Variants in FUS observed in about 807,000 individuals in gnomAD.
The protein encoded by FUS is RNA-binding protein FUS.
Under a neutral mutation model 82.7 loss-of-function variants are expected in FUS, and 5 were observed. The ratio of observed to expected loss-of-function variants is 0.06; its 90% CI spans 0.03 to 0.13. The LOEUF is 0.13. Ranked by LOEUF, FUS falls within the 10% of genes least tolerant of loss-of-function variation. FUS has a pLI of 1.00. For synonymous variants in FUS, 281 were observed against 247.4 expected, an observed-to-expected ratio of 1.14 and a Z score of -1.27; for missense variants, 512 against 707.8, an observed-to-expected ratio of 0.72 and a Z score of 3.14.
chr16:31,184,877 T>C (rs2079239656), intron 5 of FUS, 62 bp from the exon 6 acceptor site: 3 of 1,565,698 alleles, frequency 1.9e-6, no homozygotes, highest in Non-Finnish European at 2.6e-6. Flanking sequence ...TTTTCAAACC[T>C]TTTAGTGCTA....
intron 9 of FUS, 119 bp downstream of exon 9, chr16:31,189,345 GC>G: frequency 1.1e-6 from 1 of 878,452 alleles, no homozygotes; most frequent in Non-Finnish European, 1.9e-6. Context: ...AGTGGTTGTT[GC>G]CAGCTTAATT....
At chr16:31,186,038 G>A (rs962162026) in intron 6 of FUS, 1 of 238,026 alleles carries the variant, frequency 4.2e-6, no homozygotes, top group African/African-American at 2.2e-5. Context: ...TAAGTATGCA[G>A]AGGTGGGTGG....
At position 31,190,707 on chromosome 16, in the gene FUS, A is replaced by G. The variant is rs200554137; in HGVS notation, c.1293-35A>G. 1,677 of 1,583,734 alleles carry G rather than the reference A, an allele frequency of 1.1e-3. 4 individuals are homozygous for G. The highest frequency in any genetic ancestry group is 1.5e-3 in the South Asian group (136 of 90,452). On this transcript the variant is annotated intron_variant, in intron 12 of 14. Coordinates refer to ENST00000254108, the MANE Select transcript of FUS (RefSeq NM_004960.4). ...TAGTTCTAGGTCTTGCCTATTCCCC[A>G]TCGCTCCAGACTGATTGTCTTCCTT...
In FUS at chr16:31,180,220, C is replaced by T. The variant is rs549671130; in HGVS notation, c.6C>T (p.Ala2=). 74 of 1,611,112 alleles carry T rather than the reference C, an allele frequency of 4.6e-5. No homozygotes were observed. The highest frequency in any genetic ancestry group is 6.0e-5 in the Non-Finnish European group (71 of 1,178,754). M[A]SNDYTQQATQ... ...CTGTGCGCGCGTGCGCGGACATGGC[C>T]TCAAACGGTAGGTAAGGGCGCGAGG... Residue 2 remains alanine, a synonymous_variant, in exon 1 of 15, where the codon GCC becomes GCT. Transcript: ENST00000254108.
chr16:31,194,130 C>T (rs749834692), downstream of FUS: 1 of 532,800 alleles, frequency 1.9e-6, no homozygotes, highest in Non-Finnish European at 3.6e-6. Flanking sequence ...TTTTCCCCAT[C>T]TTGTGCCGGG....
At position 31,182,609 on chromosome 16, in the gene FUS, G is replaced by C; in HGVS notation, c.135G>C (p.Thr45=). The change falls in exon 3 of 15, where the codon ACG becomes ACC. Residue 45 remains threonine (T), a synonymous_variant. Transcript: ENST00000254108. The part of the protein sequence containing the change: ...QQSYSGYSQS[T]DTSGYGQSSY... ...GTTACAGTGGTTATAGCCAGTCCAC[G>C]GACACTTCAGGCTATGGCCAGAGCA... 1 of 1,614,198 alleles carries C rather than the reference G, an allele frequency of 6.2e-7. No individual in the cohort carries two copies.
At chr16:31,182,858 A>T (rs2144103067) in intron 3 of FUS, 194 bp downstream of exon 3, 2 of 643,662 alleles carry the variant, frequency 3.1e-6, no homozygotes, top group African/African-American at 1.8e-5. Flanking sequence ...CTGGGATTAC[A>T]GGTACCTGCT....
At chr16:31,185,211 G>C (rs753063874) in intron 6 of FUS, 32 bp downstream of exon 6, 1 of 1,584,016 alleles carries the variant, frequency 6.3e-7, no homozygotes, top group Non-Finnish European at 8.6e-7. Flanking sequence ...GAGTATCTTT[G>C]GTGGGGAGTG....
At chr16:31,181,558 A>ATTTT (rs2079178254) in intron 1 of FUS, among the ~76,000 whole-genome samples, 1 of 152,096 alleles carries the variant, frequency 6.6e-6, no homozygotes, top group African/African-American at 2.4e-5. Flanking sequence ...TTGCACTAAA[A>ATTTT]AGCCCACTTC....
chr16:31,190,908 G>A, intron 13 of FUS, 55 bp from the exon 14 acceptor site: 1 of 1,612,682 alleles, frequency 6.2e-7, no homozygotes, highest in East Asian at 2.2e-5. Context: ...CAGCGGGGAG[G>A]CTCGGGGAAC....
chr16:31,188,178 G>C lies in FUS; in HGVS notation c.800-147G>C, dbSNP rs910541691. The C allele has an allele frequency of 3.6e-6, 3 of 822,282 alleles. No individual in the cohort carries two copies. In the Admixed American group the frequency reaches 6.9e-5, roughly 19 times the overall value. The allele number at this position is 822,282 out of a possible 1,614,324, so 50.9% of individuals were successfully genotyped here. A position where few individuals can be genotyped will look rare whatever the true frequency, so the allele number is the denominator to read the frequency against. ...GGCAGGCGACCCAGGAAAGGGTTTG[G>C]AGTGAGGCTGTGAGCACTTACTTGA... On this transcript the variant is annotated intron_variant, in intron 7 of 14. Coordinates refer to ENST00000254108, the MANE Select transcript of FUS (RefSeq NM_004960.4).
chr16:31,190,840 T>C lies in FUS; in HGVS notation c.1391T>C (p.Met464Thr). Residue 464 changes from methionine to threonine, a missense_variant and splice_region_variant, in exon 13 of 15, where the codon ATG becomes ACG. Met to Thr is a moderately conservative substitution (Grantham distance 81, BLOSUM62 -1). Around this residue, in one of 6 missense-constraint regions of FUS, gnomAD observed 96 missense variants for 120.7 expected, o/e 0.80. Transcript: ENST00000254108. ...GGAGGGGGACCAGGTGGCTCTCACA[T>C]GGGTAAGAAAGGCAGACCTGGTGCT... ...GPGGGPGGSHMGGNYGDDRRG... is the reference protein window; with the variant it reads ...GPGGGPGGSHTGGNYGDDRRG... 6.2e-7 allele frequency: 1 copy of C among 1,614,020 alleles called. No individual in the cohort carries two copies. Among genetic ancestry groups the C allele is most frequent in the Non-Finnish European group, 8.5e-7 (1 of 1,179,884 alleles).
downstream of FUS, chr16:31,193,921 A>G (rs2079391729): frequency 1.9e-6 from 1 of 529,938 alleles, no homozygotes; most frequent in Non-Finnish European, 3.7e-6. Context: ...TGCTGGGATC[A>G]CAGGTGTGAC....
At chr16:31,191,144 A>G in intron 14 of FUS, 34 bp downstream of exon 14, 2 of 1,609,584 alleles carry the variant, frequency 1.2e-6, no homozygotes, top group Non-Finnish European at 1.7e-6. Context: ...AAAGTAGAGC[A>G]GTTGAACAGA....
chr16:31,188,759 A>T (rs1246342100), intron 8 of FUS: 1 of 467,152 alleles, frequency 2.1e-6, no homozygotes, highest in African/African-American at 1.9e-5. Context: ...GGTTGTATTG[A>T]TGTTTGTGTA....
chr16:31,183,713 CTA>C (rs2079215183), intron 3 of FUS, 143 bp from the exon 4 acceptor site: 2 of 952,792 alleles, frequency 2.1e-6, no homozygotes, highest in African/African-American at 1.6e-5. Context: ...AGGAGGGTAA[CTA>C]TCTTTGCCTA....
intron 6 of FUS, 199 bp downstream of exon 6, chr16:31,185,378 C>T: frequency 1.5e-6 from 1 of 647,170 alleles, no homozygotes; most frequent in South Asian, 1.9e-5. Flanking sequence ...GAACTCCCAT[C>T]CATACCACTG....
At chr16:31,192,724 C>G (rs547623704), downstream of FUS, 119 of 481,438 alleles carry the variant, frequency 2.5e-4, no homozygotes, top group East Asian at 5.0e-3. Context: ...GCGTGGGCCA[C>G]CATGCCCACC....
chr16:31,184,789 TAA>T (rs2079237755), intron 5 of FUS, 148 bp from the exon 6 acceptor site: 1 of 830,672 alleles, frequency 1.2e-6, no homozygotes, highest in South Asian at 1.6e-5. Flanking sequence ...TGTTTTAGCT[TAA>T]AAGAGGGTTC....
Sources: allele counts gnomAD v4.1 joint callset (sites outside exome capture counted in the v4.1 genomes callset), GRCh38; gene constraint gnomAD v4.1.1; regional missense constraint gnomAD v4.1.1; transcripts MANE v1.5; gene names NCBI Gene and HGNC (gene_info 2026-07-23, HGNC 2026-07-21).